The following HYCC2 variants were observed in gnomAD, a reference collection of about 807,000 sequenced individuals.
HYCC2 encodes the protein hyccin 2.
At chr2:200,997,131 T>C in the HYCC2 span, 1 of 218,558 alleles carries the variant, frequency 4.6e-6, no homozygotes, top group East Asian at 1.2e-4. Flanking sequence ...GGTGTACACC[T>C]GTGGTCCCAG....
chr2:201,047,936 G>C, the HYCC2 span, among the ~76,000 whole-genome samples: 1 of 128,948 alleles, frequency 7.8e-6, no homozygotes, highest in African/African-American at 2.9e-5. Flanking sequence ...TGTACTAAAA[G>C]AAACTTAAAA....
chr2:201,017,260 T>C, the HYCC2 span: 11 of 958,738 alleles, frequency 1.1e-5, no homozygotes, highest in African/African-American at 1.2e-4. Flanking sequence ...ATCTGTATAA[T>C]ATTTTTAAAA....
the HYCC2 span, chr2:201,022,915 C>A: frequency 3.1e-6 from 5 of 1,612,792 alleles, no homozygotes; most frequent in Non-Finnish European, 3.4e-6. Context: ...AACTGGTGAT[C>A]TGAGTGTCAG....
the HYCC2 span, among the ~76,000 whole-genome samples, chr2:200,984,086 C>A: frequency 6.6e-6 from 1 of 152,020 alleles, no homozygotes; most frequent in Non-Finnish European, 1.5e-5. Flanking sequence ...GTTGTATAGG[C>A]TGGAGTGCAG....
chr2:201,025,052 G>A, the HYCC2 span, among the ~76,000 whole-genome samples: 4 of 152,122 alleles, frequency 2.6e-5, no homozygotes, highest in African/African-American at 7.2e-5. Flanking sequence ...GGTCAAGGCT[G>A]CACTGAGCCA....
At chr2:201,069,912 G>GA in the HYCC2 span, among the ~76,000 whole-genome samples, 1 of 151,994 alleles carries the variant, frequency 6.6e-6, no homozygotes, top group Admixed American at 6.6e-5. Context: ...ACCATTAATA[G>GA]AAAAAAATCA....
chr2:201,062,967 C>T, the HYCC2 span: 16 of 1,202,196 alleles, frequency 1.3e-5, no homozygotes, highest in Non-Finnish European at 1.9e-5. Flanking sequence ...GCTGCTGCTG[C>T]TATTACTATT....
chr2:201,013,278 T>C, the HYCC2 span, among the ~76,000 whole-genome samples: 2 of 152,016 alleles, frequency 1.3e-5, no homozygotes, highest in South Asian at 2.1e-4. Flanking sequence ...GAGACTAGCA[T>C]GGCCAACAAA....
chr2:201,038,074 T>C, the HYCC2 span, among the ~76,000 whole-genome samples: 133 of 152,196 alleles, frequency 8.7e-4, no homozygotes, highest in Middle Eastern at 0.021. Flanking sequence ...CATCAAAAAG[T>C]GGGCAAAGAA....
chr2:201,017,223 TTG>T, the HYCC2 span: 5 of 1,425,608 alleles, frequency 3.5e-6, no homozygotes, highest in East Asian at 2.4e-5. Context: ...GTTGTAACTG[TTG>T]TTTTTTTTTT....
chr2:200,989,694 G>A, the HYCC2 span, among the ~76,000 whole-genome samples: 1 of 152,106 alleles, frequency 6.6e-6, no homozygotes, highest in African/African-American at 2.4e-5. Context: ...TGCACCTGTA[G>A]TCCCAGCTAC....
At chr2:201,007,692 T>C in the HYCC2 span, among the ~76,000 whole-genome samples, 1 of 152,170 alleles carries the variant, frequency 6.6e-6, no homozygotes, top group African/African-American at 2.4e-5. Context: ...TCTGACTTTC[T>C]TAGGTAGGAG....
chr2:201,067,100 T>C, the HYCC2 span: 71 of 262,494 alleles, frequency 2.7e-4, no homozygotes, highest in Non-Finnish European at 3.8e-5. Flanking sequence ...ATCAAGACCC[T>C]GATCAGACCT....
chr2:201,017,373 G>A, the HYCC2 span, among the ~76,000 whole-genome samples: 1 of 151,966 alleles, frequency 6.6e-6, no homozygotes, highest in African/African-American at 2.4e-5. Context: ...AGTATTTTGT[G>A]CCCATACATC....
the HYCC2 span, chr2:201,022,846 T>C: frequency 4.4e-6 from 7 of 1,605,708 alleles, no homozygotes; most frequent in Non-Finnish European, 6.0e-6. Flanking sequence ...TATTTGAATC[T>C]TGAATAACTT....
chr2:201,001,576 T>C, the HYCC2 span, among the ~76,000 whole-genome samples: 6 of 152,192 alleles, frequency 3.9e-5, no homozygotes, highest in Non-Finnish European at 8.8e-5. Flanking sequence ...AAAGAAGCCA[T>C]ACACAAAAGG....
chr2:201,012,033 G>C, the HYCC2 span, among the ~76,000 whole-genome samples: 1 of 152,074 alleles, frequency 6.6e-6, no homozygotes. Context: ...AAACAATCAA[G>C]CTAATTAACA....
the HYCC2 span, chr2:201,022,185 G>T: frequency 1.2e-6 from 1 of 859,130 alleles, no homozygotes; most frequent in Non-Finnish European, 1.7e-6. Flanking sequence ...GAATCCAGTG[G>T]TGATAAAACT....
the HYCC2 span, chr2:201,066,946 T>C: frequency 1.4e-5 from 3 of 213,752 alleles, no homozygotes; most frequent in East Asian, 2.8e-4. Context: ...GCTTGACCAC[T>C]ATACCATCAT....
Sources: gnomAD v4.1 joint callset for allele counts (sites outside exome capture counted in the v4.1 genomes callset) on GRCh38, gnomAD v4.1.1 for gene constraint, MANE v1.5 for transcripts, NCBI Gene and HGNC (gene_info 2026-07-23, HGNC 2026-07-21) for gene names.